The following CADM2 variants were observed in gnomAD, a reference collection of about 807,000 sequenced individuals.
CADM2 encodes the protein cell adhesion molecule 2, also known as immunoglobulin superfamily member 4D.
In CADM2, 12 loss-of-function variants were observed where a neutral mutation model predicts 49.8. The ratio of observed to expected loss-of-function variants is 0.24; its 90% CI spans 0.15 to 0.39. The LOEUF (loss-of-function observed/expected upper bound fraction) is 0.39. Ranked by LOEUF, CADM2 falls within the 10% of genes least tolerant of loss-of-function variation. CADM2 has a pLI of 1.00. For synonymous variants in CADM2, 214 were observed against 175.4 expected, an observed-to-expected ratio of 1.22 and a Z score of -1.74; for missense variants, 378 against 492.3, an observed-to-expected ratio of 0.77 and a Z score of 2.20.
intron 1 of CADM2, among the ~76,000 whole-genome samples, chr3:85,271,936 A>G (rs1368687312): frequency 6.6e-6 from 1 of 151,244 alleles, no homozygotes; most frequent in Non-Finnish European, 1.5e-5. Flanking sequence ...TGTACAGCTT[A>G]TTATTTCATT....
intron 8 of CADM2, among the ~76,000 whole-genome samples, chr3:85,975,749 AAC>A (rs909730899): frequency 6.6e-6 from 1 of 151,658 alleles, no homozygotes; most frequent in Non-Finnish European, 1.5e-5. Context: ...CTCTCCAAGG[AAC>A]ACACAAAAAA....
chr3:85,273,942 T>C (rs2043302514), intron 1 of CADM2, among the ~76,000 whole-genome samples: 1 of 151,240 alleles, frequency 6.6e-6, no homozygotes, highest in Non-Finnish European at 1.5e-5. Context: ...GATTGAAGCA[T>C]CAAAGGAGAA....
intron 1 of CADM2, among the ~76,000 whole-genome samples, chr3:85,299,968 A>T (rs879520839): frequency 1.1e-3 from 166 of 152,096 alleles, no homozygotes; most frequent in Non-Finnish European, 1.9e-3. Flanking sequence ...TATGACAAAA[A>T]TTCTCAACAC....
intron 7 of CADM2, among the ~76,000 whole-genome samples, chr3:85,951,590 A>G (rs564582939): frequency 6.6e-6 from 1 of 151,088 alleles, no homozygotes; most frequent in South Asian, 2.1e-4. Context: ...TGTATGTCTA[A>G]TCACACATTC....
At chr3:85,807,035 A>C (rs528905895) in intron 3 of CADM2, among the ~76,000 whole-genome samples, 26 of 152,304 alleles carry the variant, frequency 1.7e-4, no homozygotes, top group African/African-American at 6.3e-4. Context: ...AGAACTTTGA[A>C]TCCAGGTGTA....
intron 1 of CADM2, among the ~76,000 whole-genome samples, chr3:85,554,200 G>T (rs1050925509): frequency 1.2e-4 from 18 of 152,112 alleles, no homozygotes; most frequent in Non-Finnish European, 1.3e-4. Flanking sequence ...GCATTAGTTA[G>T]ATTCTCGTAA....
intron 1 of CADM2, among the ~76,000 whole-genome samples, chr3:85,694,359 TAC>T: frequency 6.6e-6 from 1 of 152,258 alleles, no homozygotes; most frequent in South Asian, 2.1e-4. Flanking sequence ...GGGACACCAA[TAC>T]ACACAGAGAA....
At chr3:85,518,496 G>C (rs1314438806) in intron 1 of CADM2, among the ~76,000 whole-genome samples, 1 of 151,390 alleles carries the variant, frequency 6.6e-6, no homozygotes, top group Non-Finnish European at 1.5e-5. Flanking sequence ...TCCACTGCCA[G>C]GTAACCACAT....
intron 2 of CADM2, among the ~76,000 whole-genome samples, chr3:85,757,725 A>G (rs1386519058): frequency 3.9e-5 from 6 of 152,164 alleles, no homozygotes; most frequent in Non-Finnish European, 8.8e-5. Flanking sequence ...GACTTAGTAT[A>G]TAATGCAAGA....
intron 3 of CADM2, among the ~76,000 whole-genome samples, chr3:85,815,073 A>AAAACAAT (rs2073131818): frequency 6.6e-6 from 1 of 152,138 alleles, no homozygotes; most frequent in Admixed American, 6.6e-5. Flanking sequence ...GAATAGACCA[A>AAAACAAT]TAACAATTTG....
intron 2 of CADM2, among the ~76,000 whole-genome samples, chr3:85,731,716 T>A (rs554593345): frequency 7.2e-5 from 11 of 152,198 alleles, no homozygotes; most frequent in Admixed American, 1.3e-4. Context: ...GTATATGTTT[T>A]TCTTTCATCA....
chr3:85,029,455 T>G (rs1456985345), intron 1 of CADM2, among the ~76,000 whole-genome samples: 1 of 152,222 alleles, frequency 6.6e-6, no homozygotes, highest in Non-Finnish European at 1.5e-5. Flanking sequence ...TAAAAGTAGA[T>G]GCTAATCGTT....
At chr3:85,510,043 C>T (rs1238284829) in intron 1 of CADM2, among the ~76,000 whole-genome samples, 2 of 151,588 alleles carry the variant, frequency 1.3e-5, no homozygotes, top group African/African-American at 4.8e-5. Context: ...GGCTCACTGC[C>T]CAGATGATCT....
At chr3:85,848,360 T>C (rs182012427) in intron 3 of CADM2, among the ~76,000 whole-genome samples, 36 of 152,260 alleles carry the variant, frequency 2.4e-4, no homozygotes, top group African/African-American at 6.5e-4. Flanking sequence ...TCTCCTATTA[T>C]ATTTTAAAAT....
chr3:85,579,528 C>T (rs2062733666), intron 1 of CADM2, among the ~76,000 whole-genome samples: 1 of 152,124 alleles, frequency 6.6e-6, no homozygotes, highest in African/African-American at 2.4e-5. Context: ...CTCCCCATTG[C>T]TTAATGATAG....
intron 3 of CADM2, among the ~76,000 whole-genome samples, chr3:85,831,248 T>C (rs1444711568): frequency 6.6e-6 from 1 of 152,006 alleles, no homozygotes; most frequent in African/African-American, 2.4e-5. Context: ...GGCATCTAGG[T>C]TGATTTCATG....
chr3:85,556,731 C>T (rs1383728213), intron 1 of CADM2, among the ~76,000 whole-genome samples: 1 of 152,082 alleles, frequency 6.6e-6, no homozygotes, highest in Non-Finnish European at 1.5e-5. Flanking sequence ...AACAGCAGTA[C>T]AGGAAATCAT....
chr3:84,982,851 T>A (rs2032292362), intron 1 of CADM2, among the ~76,000 whole-genome samples: 2 of 151,122 alleles, frequency 1.3e-5, no homozygotes, highest in Admixed American at 6.6e-5. Context: ...GTTCAAGCGA[T>A]TCTCCTGCAC....
chr3:85,783,713 T>C (rs1174601257), intron 2 of CADM2, among the ~76,000 whole-genome samples: 2 of 152,238 alleles, frequency 1.3e-5, no homozygotes, highest in Non-Finnish European at 2.9e-5. Flanking sequence ...TTGGTACTGA[T>C]GAAATTCAAA....
Sources: allele counts gnomAD v4.1 joint callset (sites outside exome capture counted in the v4.1 genomes callset), GRCh38; gene constraint gnomAD v4.1.1; transcripts MANE v1.5; gene names NCBI Gene and HGNC (gene_info 2026-07-23, HGNC 2026-07-21).